The following SPSB4 variants were observed in gnomAD, a reference collection of about 807,000 sequenced individuals.
SPSB4 encodes the protein SPRY domain-containing SOCS box protein 4.
In SPSB4, 21 loss-of-function variants were observed where a neutral mutation model predicts 20.9. That is an observed-to-expected ratio of 1.01 (90% CI 0.71 to 1.45). The LOEUF is 1.45. Among genes scored for constraint, SPSB4 ranks in the 40% most tolerant of loss-of-function variants. The pLI is 0.00. For synonymous variants in SPSB4, 207 were observed against 183.8 expected (o/e 1.13, Z -1.02); for missense variants, 399 against 399.2 (o/e 1.00, Z 0.00).
chr3:141,092,547 T>G (rs983395370), intron 2 of SPSB4, among the ~76,000 whole-genome samples: 3 of 152,226 alleles, frequency 2.0e-5, no homozygotes, highest in Non-Finnish European at 2.9e-5. Flanking sequence ...GGGATGGAAC[T>G]GGACTCTGCC....
intron 2 of SPSB4, among the ~76,000 whole-genome samples, chr3:141,106,806 C>T (rs1938696500): frequency 6.6e-6 from 1 of 152,186 alleles, no homozygotes; most frequent in Admixed American, 6.5e-5. Flanking sequence ...AGGCCCCACA[C>T]CCTCAACCTA....
At chr3:141,117,750 A>G (rs1331947715) in intron 2 of SPSB4, among the ~76,000 whole-genome samples, 1 of 152,192 alleles carries the variant, frequency 6.6e-6, no homozygotes, top group African/African-American at 2.4e-5. Context: ...GAGAACATAC[A>G]GTGTTTGGTT....
chr3:141,096,373 C>G (rs1189840348), intron 2 of SPSB4, among the ~76,000 whole-genome samples: 1 of 152,202 alleles, frequency 6.6e-6, no homozygotes, highest in African/African-American at 2.4e-5. Context: ...TTTGATGCAG[C>G]CTCTGTTAGT....
chr3:141,072,638 C>A (rs1384158651), intron 2 of SPSB4, among the ~76,000 whole-genome samples: 1 of 152,198 alleles, frequency 6.6e-6, no homozygotes, highest in Non-Finnish European at 1.5e-5. Flanking sequence ...GCCTGCAGAG[C>A]CCTGAGCCAA....
chr3:141,110,799 A>G (rs1405407645), intron 2 of SPSB4, among the ~76,000 whole-genome samples: 1 of 152,238 alleles, frequency 6.6e-6, no homozygotes, highest in Non-Finnish European at 1.5e-5. Context: ...TCAAGTGAGT[A>G]GGGAAGGATA....
intron 2 of SPSB4, among the ~76,000 whole-genome samples, chr3:141,145,732 A>T (rs1939402558): frequency 6.6e-6 from 1 of 152,150 alleles, no homozygotes. Context: ...GGCCTGTACA[A>T]ACCATACCAG....
intron 2 of SPSB4, among the ~76,000 whole-genome samples, chr3:141,069,567 T>C (rs763295512): frequency 1.6e-4 from 25 of 152,166 alleles, no homozygotes; most frequent in Middle Eastern, 3.2e-3. Flanking sequence ...GCCAACTCTC[T>C]GGGGTTACTT....
At chr3:141,096,127 A>G (rs1388995678) in intron 2 of SPSB4, among the ~76,000 whole-genome samples, 2 of 152,168 alleles carry the variant, frequency 1.3e-5, no homozygotes, top group Non-Finnish European at 2.9e-5. Flanking sequence ...CAGAAGAACC[A>G]GAGGTACCTT....
chr3:141,085,182 A>G (rs528087140), intron 2 of SPSB4, among the ~76,000 whole-genome samples: 1 of 152,374 alleles, frequency 6.6e-6, no homozygotes, highest in South Asian at 2.1e-4. Flanking sequence ...TGATGGATTC[A>G]GGGACCTGCA....
intron 2 of SPSB4, among the ~76,000 whole-genome samples, chr3:141,075,709 C>T (rs1188861117): frequency 6.6e-6 from 1 of 152,008 alleles, no homozygotes; most frequent in Non-Finnish European, 1.5e-5. Flanking sequence ...CCCCACCATC[C>T]ACCCATCTAC....
intron 2 of SPSB4, among the ~76,000 whole-genome samples, chr3:141,107,173 C>A (rs1459249084): frequency 6.6e-6 from 1 of 152,168 alleles, no homozygotes; most frequent in East Asian, 1.9e-4. Flanking sequence ...AAACACACTC[C>A]CCAAGGGATC....
intron 2 of SPSB4, among the ~76,000 whole-genome samples, chr3:141,116,162 G>T (rs1259713515): frequency 6.6e-6 from 1 of 152,236 alleles, no homozygotes; most frequent in East Asian, 1.9e-4. Flanking sequence ...AGTCTCAGTG[G>T]TTGTGAGGAG....
At chr3:141,088,901 A>G (rs2107790397) in intron 2 of SPSB4, among the ~76,000 whole-genome samples, 1 of 152,308 alleles carries the variant, frequency 6.6e-6, no homozygotes, top group East Asian at 1.9e-4. Flanking sequence ...CAATCTGACC[A>G]ATTTCTCATA....
intron 2 of SPSB4, among the ~76,000 whole-genome samples, chr3:141,108,959 C>T (rs1041012129): frequency 2.0e-5 from 3 of 152,200 alleles, no homozygotes; most frequent in East Asian, 3.8e-4. Context: ...AGGAAGAGAG[C>T]AGTCAGCAAA....
chr3:141,141,736 C>G (rs139104988), intron 2 of SPSB4, among the ~76,000 whole-genome samples: 173 of 152,202 alleles, frequency 1.1e-3, no homozygotes, highest in African/African-American at 3.8e-3. Flanking sequence ...TGTTACTGGT[C>G]TGTTCGGAAT....
At chr3:141,084,769 G>C (rs1191797406) in intron 2 of SPSB4, among the ~76,000 whole-genome samples, 1 of 152,234 alleles carries the variant, frequency 6.6e-6, no homozygotes, top group Admixed American at 6.5e-5. Flanking sequence ...CACTACGGCA[G>C]CTGCTGGAGC....
At chr3:141,109,973 C>A (rs1938768591) in intron 2 of SPSB4, among the ~76,000 whole-genome samples, 1 of 152,192 alleles carries the variant, frequency 6.6e-6, no homozygotes, top group Admixed American at 6.5e-5. Flanking sequence ...AGAATCTCCG[C>A]CCCACAGCCT....
chr3:141,075,315 G>A (rs1220679108), intron 2 of SPSB4, among the ~76,000 whole-genome samples: 1 of 152,102 alleles, frequency 6.6e-6, no homozygotes, highest in East Asian at 1.9e-4. Context: ...GCTTCTCAGT[G>A]CCTCCTGCAT....
chr3:141,085,047 A>C (rs1478200303), intron 2 of SPSB4, among the ~76,000 whole-genome samples: 9 of 152,194 alleles, frequency 5.9e-5, no homozygotes, highest in Admixed American at 5.9e-4. Flanking sequence ...TCCAGAGAGG[A>C]GTGCTTGAGC....
Sources: allele counts gnomAD v4.1 joint callset (sites outside exome capture counted in the v4.1 genomes callset), GRCh38; gene constraint gnomAD v4.1.1; transcripts MANE v1.5; gene names NCBI Gene and HGNC (gene_info 2026-07-23, HGNC 2026-07-21).